Variants in SLC24A2 observed in about 807,000 individuals in gnomAD.
The protein encoded by SLC24A2 is sodium/potassium/calcium exchanger 2.
Under a neutral mutation model 62.0 loss-of-function variants are expected in SLC24A2, and 36 were observed. The observed-to-expected ratio is 0.58, with a 90% confidence interval of 0.44 to 0.77. The LOEUF (loss-of-function observed/expected upper bound fraction) is 0.77. SLC24A2 is among the 30% of genes least tolerant of loss of function. The probability of loss-of-function intolerance (pLI) is 0.00; values close to 1 mark genes in which losing one functional copy is unlikely to be tolerated. For synonymous variants in SLC24A2, 358 were observed against 294.0 expected (o/e 1.22, Z -2.23); for missense variants, 846 against 817.9 (o/e 1.03, Z -0.42).
the SLC24A2 span, among the ~76,000 whole-genome samples, chr9:20,152,098 T>C: frequency 2.0e-5 from 3 of 152,046 alleles, no homozygotes; most frequent in Admixed American, 2.0e-4. Context: ...TTCCCTTCCA[T>C]TGCTTTTCCA....
chr9:19,727,789 G>C (rs1007932454), intron 2 of SLC24A2, among the ~76,000 whole-genome samples: 1 of 152,096 alleles, frequency 6.6e-6, no homozygotes, highest in Non-Finnish European at 1.5e-5. Context: ...CTCAGCAAAG[G>C]TCTGATCAGT....
At chr9:19,756,903 CTT>C (rs780450451) in intron 2 of SLC24A2, among the ~76,000 whole-genome samples, 3 of 78,532 alleles carry the variant, frequency 3.8e-5, no homozygotes, top group Admixed American at 2.1e-4. Context: ...TTTACTGAAG[CTT>C]TTTTTTTTTT....
intron 8 of SLC24A2, among the ~76,000 whole-genome samples, chr9:19,533,320 T>C (rs111587255): frequency 0.014 from 2,208 of 152,296 alleles, 64 homozygotes; most frequent in African/African-American, 0.051. Context: ...TCTCCGTATG[T>C]ATTTTCTCAA....
chr9:19,951,514 C>T, the SLC24A2 span, among the ~76,000 whole-genome samples: 26 of 151,532 alleles, frequency 1.7e-4, no homozygotes, highest in Admixed American at 1.2e-3. Context: ...GTCTATGGCA[C>T]ATTTTGAATT....
chr9:19,878,841 G>C, the SLC24A2 span, among the ~76,000 whole-genome samples: 2 of 151,982 alleles, frequency 1.3e-5, no homozygotes, highest in Non-Finnish European at 2.9e-5. Flanking sequence ...TTTCTCTATA[G>C]CAGTGCAAGA....
At chr9:19,701,357 C>T (rs1229509250) in intron 2 of SLC24A2, among the ~76,000 whole-genome samples, 2 of 152,202 alleles carry the variant, frequency 1.3e-5, no homozygotes, top group Non-Finnish European at 2.9e-5. Flanking sequence ...CGTCTACCCA[C>T]CTTTAGTTGA....
At chr9:19,996,661 G>C in the SLC24A2 span, among the ~76,000 whole-genome samples, 1 of 148,574 alleles carries the variant, frequency 6.7e-6, no homozygotes, top group Non-Finnish European at 1.5e-5. Context: ...AGAATCGCTT[G>C]AACCTGGGAG....
intron 2 of SLC24A2, among the ~76,000 whole-genome samples, chr9:19,709,256 C>T (rs1487529105): frequency 6.6e-6 from 1 of 151,754 alleles, no homozygotes; most frequent in African/African-American, 2.4e-5. Flanking sequence ...CAGGAAACAA[C>T]AGGTGCTGGA....
At chr9:19,749,513 G>A (rs539411135) in intron 2 of SLC24A2, among the ~76,000 whole-genome samples, 2 of 152,274 alleles carry the variant, frequency 1.3e-5, no homozygotes, top group Admixed American at 6.5e-5. Flanking sequence ...CTCTTCCTGT[G>A]CTAAAGACAA....
At chr9:19,649,847 G>A (rs1018655145) in intron 2 of SLC24A2, among the ~76,000 whole-genome samples, 7 of 152,184 alleles carry the variant, frequency 4.6e-5, no homozygotes, top group Non-Finnish European at 5.9e-5. Flanking sequence ...CAATATAGGA[G>A]CTATCCCTCC....
At chr9:19,688,956 T>C (rs1377637584) in intron 2 of SLC24A2, among the ~76,000 whole-genome samples, 2 of 152,164 alleles carry the variant, frequency 1.3e-5, no homozygotes, top group Non-Finnish European at 2.9e-5. Flanking sequence ...CATGAAACTT[T>C]AGATTCTATG....
the SLC24A2 span, among the ~76,000 whole-genome samples, chr9:20,172,067 A>G: frequency 6.6e-6 from 1 of 152,118 alleles, no homozygotes. Flanking sequence ...AGGAGCCTTC[A>G]AAACCATGCA....
At chr9:20,289,639 C>T in the SLC24A2 span, among the ~76,000 whole-genome samples, 4 of 152,266 alleles carry the variant, frequency 2.6e-5, no homozygotes, top group South Asian at 4.2e-4. Context: ...CAGAGTCAGG[C>T]GCTCTTTTGT....
the SLC24A2 span, among the ~76,000 whole-genome samples, chr9:20,114,681 T>C: frequency 6.6e-6 from 1 of 152,176 alleles, no homozygotes; most frequent in East Asian, 1.9e-4. Flanking sequence ...CCATGTGCTA[T>C]GAATCTCCAC....
chr9:19,835,591 C>G, the SLC24A2 span, among the ~76,000 whole-genome samples: 2 of 152,116 alleles, frequency 1.3e-5, no homozygotes, highest in Non-Finnish European at 2.9e-5. Context: ...CCTTACTGAC[C>G]TACAAAGAGA....
intron 2 of SLC24A2, among the ~76,000 whole-genome samples, chr9:19,693,297 C>T (rs1022768240): frequency 2.6e-5 from 4 of 152,046 alleles, no homozygotes; most frequent in African/African-American, 9.7e-5. Flanking sequence ...CCCAAATATC[C>T]ATCAATGGTT....
At chr9:20,128,719 C>G in the SLC24A2 span, among the ~76,000 whole-genome samples, 141 of 152,190 alleles carry the variant, frequency 9.3e-4, no homozygotes, top group Non-Finnish European at 1.6e-3. Context: ...AAAGAATAAT[C>G]TCTTCAATAA....
the SLC24A2 span, among the ~76,000 whole-genome samples, chr9:19,996,324 G>A: frequency 9.2e-5 from 14 of 152,292 alleles, no homozygotes; most frequent in Non-Finnish European, 1.6e-4. Flanking sequence ...TGACTCCTGT[G>A]AAATTCCTCT....
chr9:19,683,062 A>T (rs1321757613), intron 2 of SLC24A2, among the ~76,000 whole-genome samples: 1 of 152,142 alleles, frequency 6.6e-6, no homozygotes, highest in East Asian at 1.9e-4. Flanking sequence ...CATTCCTAGC[A>T]TAATGCTGAT....
Sources: allele counts gnomAD v4.1 joint callset (sites outside exome capture counted in the v4.1 genomes callset), GRCh38; gene constraint gnomAD v4.1.1; transcripts MANE v1.5; gene names NCBI Gene and HGNC (gene_info 2026-07-23, HGNC 2026-07-21).